RAPGEF6: variants seen among roughly 807,000 people sequenced by gnomAD.
RAPGEF6 encodes the protein Rap guanine nucleotide exchange factor 6.
In RAPGEF6, 56 loss-of-function variants were observed where a neutral mutation model predicts 171.4. That is an observed-to-expected ratio of 0.33 (90% CI 0.26 to 0.41). The LOEUF (loss-of-function observed/expected upper bound fraction) is 0.41. Ranked by LOEUF, RAPGEF6 falls within the 10% of genes least tolerant of loss-of-function variation. The pLI, the probability that RAPGEF6 is intolerant of heterozygous loss-of-function variation, is 1.00. For missense variants in RAPGEF6, 1,674 were observed against 1,921.4 expected (o/e 0.87, Z 2.41); for synonymous variants, 692 against 650.1 (o/e 1.06, Z -0.98).
rs1753464330 is a variant in RAPGEF6 at position 131,455,973 on chromosome 5, A to C, written c.2904T>G (p.Thr968=). The change falls in exon 20 of 28, where the codon ACT becomes ACG. Residue 968 remains threonine, a synonymous_variant. Transcript: ENST00000509018. ...CGTATTTGCTTGGTAACTTTTCCCAAGTTCCTCTGAGTCTTGCTACAGATG... is the reference window on the plus strand; with the variant it reads ...CGTATTTGCTTGGTAACTTTTCCCACGTTCCTCTGAGTCTTGCTACAGATG... The part of the protein sequence containing the change: ...NLASVARLRG[T]WEKLPSKYEK... 2 of 1,613,980 alleles carry C rather than the reference A, an allele frequency of 1.2e-6. No individual in the cohort carries two copies. The highest frequency in any genetic ancestry group is 1.7e-6 in the Non-Finnish European group (2 of 1,180,002).
At chr5:131,596,866 C>A (rs1763935039) in intron 3 of RAPGEF6, among the ~76,000 whole-genome samples, 1 of 152,096 alleles carries the variant, frequency 6.6e-6, no homozygotes, top group Non-Finnish European at 1.5e-5. Context: ...AAAACACAGG[C>A]AACAGAAACA....
chr5:131,446,103 T>TA (rs146977416), intron 22 of RAPGEF6, among the ~76,000 whole-genome samples: 84 of 152,334 alleles, frequency 5.5e-4, no homozygotes, highest in African/African-American at 1.9e-3. Flanking sequence ...ACTGGTGTTT[T>TA]AATCAAATTT....
chr5:131,439,501 G>A, intron 24 of RAPGEF6, 80 bp downstream of exon 24: 1 of 1,478,936 alleles, frequency 6.8e-7, no homozygotes, highest in Non-Finnish European at 9.0e-7. Context: ...TATAATTATT[G>A]CTATAGATTG....
intron 1 of RAPGEF6, among the ~76,000 whole-genome samples, chr5:131,620,907 A>C (rs997613794): frequency 6.6e-6 from 1 of 152,164 alleles, no homozygotes; most frequent in Non-Finnish European, 1.5e-5. Flanking sequence ...TCCACTCTTC[A>C]CATATACTGC....
chr5:131,470,112 AT>A (rs1257217136), intron 17 of RAPGEF6, among the ~76,000 whole-genome samples: 1 of 152,180 alleles, frequency 6.6e-6, no homozygotes, highest in African/African-American at 2.4e-5. Flanking sequence ...TATAAATAAT[AT>A]CCATCACTAG....
At chr5:131,600,389 G>A (rs1323735413) in intron 3 of RAPGEF6, among the ~76,000 whole-genome samples, 1 of 152,086 alleles carries the variant, frequency 6.6e-6, no homozygotes, top group Non-Finnish European at 1.5e-5. Flanking sequence ...AGACGTGGTG[G>A]CACGCGCCTG....
At chr5:131,440,668 A>T (rs1752321489) in intron 23 of RAPGEF6, among the ~76,000 whole-genome samples, 1 of 150,262 alleles carries the variant, frequency 6.7e-6, no homozygotes, top group Non-Finnish European at 1.5e-5. Flanking sequence ...AACCTGGGAA[A>T]CGGAGGTTTC....
At chr5:131,494,362 G>A (rs1450267963) in intron 13 of RAPGEF6, among the ~76,000 whole-genome samples, 1 of 152,208 alleles carries the variant, frequency 6.6e-6, no homozygotes, top group Non-Finnish European at 1.5e-5. Context: ...TTCACGAACA[G>A]CTACTGTGGA....
rs1487470527 is a variant in RAPGEF6 at position 131,446,482 on chromosome 5, C to T, written c.3421+1G>A. The T allele has an allele frequency of 1.2e-6, 2 of 1,612,442 alleles. No individual in the cohort carries two copies. The highest frequency in any genetic ancestry group is 1.3e-5 in the African/African-American group (1 of 75,036). ...TCACATAAATGAAAACTTGTACTCA[C>T]AGGTACCATATGCAGGCTCCCACTG... On this transcript the variant is annotated splice_donor_variant, in intron 22 of 27. Transcript: ENST00000509018. LOFTEE classifies it high-confidence loss of function.
intron 15 of RAPGEF6, among the ~76,000 whole-genome samples, chr5:131,480,318 G>C (rs1755386745): frequency 6.6e-6 from 1 of 152,040 alleles, no homozygotes; most frequent in Non-Finnish European, 1.5e-5. Context: ...ATGGGGTGGA[G>C]GTCCTGTAAC....
chr5:131,616,196 C>T (rs1055594165), intron 1 of RAPGEF6, among the ~76,000 whole-genome samples: 1 of 152,040 alleles, frequency 6.6e-6, no homozygotes, highest in Non-Finnish European at 1.5e-5. Context: ...GTTTTTATAG[C>T]GAAGGTGGGA....
intron 7 of RAPGEF6, among the ~76,000 whole-genome samples, chr5:131,511,481 C>CTTTTTTTTTTTTTTTTT (rs55782171): frequency 7.3e-6 from 1 of 137,328 alleles, no homozygotes; most frequent in African/African-American, 2.7e-5. Context: ...AAAAGATCAT[C>CTTTTTTTTTTTTTTTTT]TTTTTTTTTT....
At chr5:131,516,128 AC>A (rs1233428174) in intron 7 of RAPGEF6, among the ~76,000 whole-genome samples, 1 of 118,042 alleles carries the variant, frequency 8.5e-6, no homozygotes, top group Non-Finnish European at 1.6e-5. Flanking sequence ...TTTCTCTGTC[AC>A]CCAGGCTGGA....
At position 131,431,289 on chromosome 5, in the gene RAPGEF6, A is replaced by G. The variant is rs762774505; in HGVS notation, c.4035T>C (p.Asn1345=). 2.4e-5 allele frequency: 38 copies of G among 1,613,898 alleles called. No homozygotes were observed. The highest frequency in any genetic ancestry group is 3.0e-5 in the Non-Finnish European group (35 of 1,179,846). ...TGATATGCTCTTGAGAAATCTCTTC[A>G]TTGCTCACAGACGATGAGACAGCTA... ...KCLAVSSSVS[N]EEISQEHIII... The change falls in exon 26 of 28, where the codon AAT becomes AAC. Residue 1345 remains asparagine (N), a synonymous_variant. Coordinates refer to ENST00000509018, the MANE Select transcript of RAPGEF6 (RefSeq NM_016340.6).
intron 14 of RAPGEF6, 115 bp from the exon 15 acceptor site, chr5:131,489,769 G>T: frequency 1.9e-6 from 1 of 525,330 alleles, no homozygotes; most frequent in East Asian, 3.4e-5. Flanking sequence ...GTACTCCTAT[G>T]TGAACAACAG....
At chr5:131,435,946 C>T (rs904986840) in intron 24 of RAPGEF6, 5 of 1,518,334 alleles carry the variant, frequency 3.3e-6, no homozygotes, top group African/African-American at 1.4e-5. Flanking sequence ...AAATAAGGAA[C>T]TTCATCAGAG....
chr5:131,452,120 T>C (rs1753128850), intron 21 of RAPGEF6, among the ~76,000 whole-genome samples: 1 of 151,566 alleles, frequency 6.6e-6, no homozygotes. Context: ...CTCAGGAGGC[T>C]GAGGCAGGAG....
At chr5:131,601,436 C>T (rs930639038) in intron 3 of RAPGEF6, among the ~76,000 whole-genome samples, 26 of 146,714 alleles carry the variant, frequency 1.8e-4, no homozygotes, top group Non-Finnish European at 3.3e-4. Context: ...AGATAATAGA[C>T]TAGACATACC....
At chr5:131,436,466 C>G in intron 24 of RAPGEF6, 5 of 1,217,778 alleles carry the variant, frequency 4.1e-6, no homozygotes, top group Non-Finnish European at 4.4e-6. Context: ...AAAATTCTAA[C>G]ATCTTGATAA....
Sources: gnomAD v4.1 joint callset for allele counts (sites outside exome capture counted in the v4.1 genomes callset) on GRCh38, gnomAD v4.1.1 for gene constraint, MANE v1.5 for transcripts, NCBI Gene and HGNC (gene_info 2026-07-23, HGNC 2026-07-21) for gene names.